The following CACNA2D3 variants were observed in gnomAD, a reference collection of about 807,000 sequenced individuals.
CACNA2D3 encodes voltage-dependent calcium channel subunit alpha-2/delta-3.
In CACNA2D3, 60 loss-of-function variants were observed where a neutral mutation model predicts 160.6. That is an observed-to-expected ratio of 0.37 (90% CI 0.30 to 0.46). CACNA2D3 has a LOEUF of 0.46. Among genes scored for constraint, CACNA2D3 ranks in the 20% least tolerant of loss-of-function variants. The pLI, the probability that CACNA2D3 is intolerant of heterozygous loss-of-function variation, is 1.00. For missense variants in CACNA2D3, 1,205 were observed against 1,365.0 expected (o/e 0.88, Z 1.85); for synonymous variants, 558 against 492.9 (o/e 1.13, Z -1.75).
At chr3:54,741,225 C>T (rs897369627) in intron 11 of CACNA2D3, among the ~76,000 whole-genome samples, 4 of 152,174 alleles carry the variant, frequency 2.6e-5, no homozygotes, top group Non-Finnish European at 5.9e-5. Flanking sequence ...GTCATGTCAT[C>T]AGGCGTTATA....
chr3:54,353,880 G>A (rs963233278), intron 3 of CACNA2D3, among the ~76,000 whole-genome samples: 2 of 152,158 alleles, frequency 1.3e-5, no homozygotes, highest in African/African-American at 4.8e-5. Flanking sequence ...GTGATGCTTG[G>A]TTCTGTACTA....
At chr3:54,734,208 C>T (rs909672878) in intron 11 of CACNA2D3, among the ~76,000 whole-genome samples, 1 of 152,152 alleles carries the variant, frequency 6.6e-6, no homozygotes, top group Non-Finnish European at 1.5e-5. Context: ...TTGCCATAGG[C>T]TGATACCTAA....
chr3:54,526,814 C>G (rs1701730260), intron 5 of CACNA2D3, among the ~76,000 whole-genome samples: 1 of 152,196 alleles, frequency 6.6e-6, no homozygotes, highest in African/African-American at 2.4e-5. Context: ...CATCAGCCTC[C>G]CAAGTAGCTG....
At chr3:54,920,284 G>A (rs1416546852) in intron 27 of CACNA2D3, among the ~76,000 whole-genome samples, 1 of 152,202 alleles carries the variant, frequency 6.6e-6, no homozygotes, top group African/African-American at 2.4e-5. Flanking sequence ...AAGTGGCCCT[G>A]TAAGTAGATA....
At chr3:55,045,875 T>G (rs1704068072) in intron 35 of CACNA2D3, among the ~76,000 whole-genome samples, 1 of 152,034 alleles carries the variant, frequency 6.6e-6, no homozygotes, top group Admixed American at 6.6e-5. Context: ...CTCTATTGTT[T>G]TCTATTCTCA....
chr3:54,800,090 T>C (rs1702951498), intron 13 of CACNA2D3, among the ~76,000 whole-genome samples: 1 of 152,200 alleles, frequency 6.6e-6, no homozygotes, highest in Non-Finnish European at 1.5e-5. Flanking sequence ...GTCACAATGT[T>C]GAAAAGTGAC....
At chr3:54,448,902 C>A (rs1428849190) in intron 4 of CACNA2D3, among the ~76,000 whole-genome samples, 1 of 152,202 alleles carries the variant, frequency 6.6e-6, no homozygotes, top group African/African-American at 2.4e-5. Context: ...GGTTCATCTT[C>A]TGTTATTTTG....
At position 54,169,163 on chromosome 3, in the gene CACNA2D3, C is replaced by A. The variant is rs547917265; in HGVS notation, c.204+45569C>A. ...GTTTTAAAAGCACAAAACTGAAAAA[C>A]TACAGAACAAAACAAACAAGCAGCT... On this transcript the variant is annotated intron_variant, in intron 2 of 37. Transcript: ENST00000474759. Among the ~76,000 whole-genome samples, 231 of 152,250 alleles carry A rather than the reference C, an allele frequency of 1.5e-3. 3 individuals are homozygous for A. The highest frequency in any genetic ancestry group is 5.3e-3 in the African/African-American group (221 of 41,540).
intron 27 of CACNA2D3, 133 bp from the exon 28 acceptor site, chr3:54,968,317 G>T: frequency 1.6e-6 from 1 of 634,020 alleles, no homozygotes; most frequent in South Asian, 1.9e-5. Flanking sequence ...TGTTTTAGTT[G>T]TATGCTTCAC....
intron 5 of CACNA2D3, among the ~76,000 whole-genome samples, chr3:54,507,991 G>C (rs1273601538): frequency 1.3e-5 from 2 of 152,220 alleles, no homozygotes; most frequent in Non-Finnish European, 2.9e-5. Flanking sequence ...AAATTTGTAT[G>C]TTGAAACCTA....
At chr3:54,689,106 A>T (rs1167459810) in intron 11 of CACNA2D3, among the ~76,000 whole-genome samples, 1 of 150,624 alleles carries the variant, frequency 6.6e-6, no homozygotes, top group African/African-American at 2.4e-5. Flanking sequence ...TAATAATTGT[A>T]GTGATGGTCG....
chr3:54,782,302 T>C (rs1702551469), intron 13 of CACNA2D3, among the ~76,000 whole-genome samples: 1 of 152,232 alleles, frequency 6.6e-6, no homozygotes, highest in Non-Finnish European at 1.5e-5. Context: ...TGCTGTATTA[T>C]ATACTGTTAA....
intron 9 of CACNA2D3, among the ~76,000 whole-genome samples, chr3:54,590,943 G>T (rs1327238215): frequency 6.6e-6 from 1 of 152,176 alleles, no homozygotes; most frequent in Non-Finnish European, 1.5e-5. Flanking sequence ...TTTAATGACA[G>T]GAAGTTTTGA....
intron 35 of CACNA2D3, among the ~76,000 whole-genome samples, chr3:55,063,967 CTT>C (rs1704575231): frequency 6.6e-6 from 1 of 152,184 alleles, no homozygotes; most frequent in Non-Finnish European, 1.5e-5. Context: ...AAAGGTAAAA[CTT>C]TTTCCTTCTT....
intron 11 of CACNA2D3, among the ~76,000 whole-genome samples, chr3:54,710,894 T>A (rs1448104904): frequency 6.6e-6 from 1 of 152,140 alleles, no homozygotes; most frequent in Admixed American, 6.5e-5. Flanking sequence ...TACCTACAAT[T>A]GAAAATGTTA....
chr3:54,340,699 A>C (rs957252717), intron 3 of CACNA2D3, among the ~76,000 whole-genome samples: 59 of 152,060 alleles, frequency 3.9e-4, no homozygotes, highest in African/African-American at 1.3e-3. Context: ...GAGCTTTTGG[A>C]TTTCTGTGGT....
intron 13 of CACNA2D3, among the ~76,000 whole-genome samples, chr3:54,792,331 C>T (rs954950319): frequency 2.6e-5 from 4 of 152,144 alleles, no homozygotes; most frequent in Admixed American, 6.5e-5. Flanking sequence ...TTTTGGGACT[C>T]CATAGAGCAG....
chr3:54,804,839 A>G (rs912067233), intron 13 of CACNA2D3, among the ~76,000 whole-genome samples: 1 of 152,224 alleles, frequency 6.6e-6, no homozygotes, highest in African/African-American at 2.4e-5. Context: ...AACAGAAATT[A>G]TAACAAACTG....
chr3:54,171,008 G>C (rs552699613), intron 2 of CACNA2D3, among the ~76,000 whole-genome samples: 2 of 152,042 alleles, frequency 1.3e-5, no homozygotes, highest in Non-Finnish European at 2.9e-5. Context: ...GTCCGACTCA[G>C]GGAGGAGAAA....
Sources: gnomAD v4.1 joint callset for allele counts (sites outside exome capture counted in the v4.1 genomes callset) on GRCh38, gnomAD v4.1.1 for gene constraint, MANE v1.5 for transcripts, NCBI Gene and HGNC (gene_info 2026-07-23, HGNC 2026-07-21) for gene names.